The following MRC1 variants were observed in gnomAD, a reference collection of about 807,000 sequenced individuals.
MRC1 encodes the protein macrophage mannose receptor 1.
MRC1 carries 62 observed loss-of-function variants against 102.9 expected under a neutral mutation model. That is an observed-to-expected ratio of 0.60 (90% CI 0.49 to 0.74). The LOEUF (loss-of-function observed/expected upper bound fraction) is 0.74, where lower values mean the gene tolerates loss of function less well. MRC1 is among the 30% of genes least tolerant of loss of function. MRC1 has a pLI of 0.00. For synonymous variants in MRC1, 457 were observed against 298.4 expected, an observed-to-expected ratio of 1.53 and a Z score of -5.48; for missense variants, 1,237 against 862.8, an observed-to-expected ratio of 1.43 and a Z score of -5.43.
At chr10:17,886,872 AAGAAGT>A (rs1421463319) in intron 22 of MRC1, among the ~76,000 whole-genome samples, 22 of 152,294 alleles carry the variant, frequency 1.4e-4, no homozygotes, top group African/African-American at 5.3e-4. Flanking sequence ...TATCCAGAAA[AAGAAGT>A]AGGAGTAAGC....
At chr10:17,889,613 T>C (rs1025758358) in intron 22 of MRC1, among the ~76,000 whole-genome samples, 2 of 152,202 alleles carry the variant, frequency 1.3e-5, no homozygotes, top group African/African-American at 2.4e-5. Flanking sequence ...CTCTTGAGTT[T>C]GCAGTATATA....
intron 1 of MRC1, among the ~76,000 whole-genome samples, chr10:17,821,048 A>G (rs1036237575): frequency 0.085 from 12,972 of 152,180 alleles, 603 homozygotes; most frequent in South Asian, 0.12. Context: ...TAGGTATTGC[A>G]TGTTCTGTGA....
intron 5 of MRC1, 97 bp from the exon 6 acceptor site, chr10:17,845,192 T>A: frequency 1.3e-6 from 1 of 780,172 alleles, no homozygotes; most frequent in Non-Finnish European, 2.4e-6. Flanking sequence ...GGTGGTCCAT[T>A]GAATCCCCAG....
intron 9 of MRC1, among the ~76,000 whole-genome samples, chr10:17,860,610 G>T (rs1554841162): frequency 6.6e-6 from 1 of 152,102 alleles, no homozygotes; most frequent in East Asian, 1.9e-4. Context: ...GGAGAAGGAG[G>T]AACAATGCTG....
At chr10:17,816,631 G>C (rs1838317305) in intron 1 of MRC1, among the ~76,000 whole-genome samples, 1 of 152,162 alleles carries the variant, frequency 6.6e-6, no homozygotes, top group Admixed American at 6.5e-5. Context: ...AAGGCGTGGT[G>C]CTGGCGTTTG....
At chr10:17,894,394 C>CTTTTTTTTTTTCT in intron 23 of MRC1, 82 bp downstream of exon 23, 1 of 404,404 alleles carries the variant, frequency 2.5e-6, no homozygotes, top group Non-Finnish European at 4.2e-6. Context: ...TTCTTTCTTT[C>CTTTTTTTTTTTCT]TTTTTTTTTT....
chr10:17,897,111 A>G (rs943487607), intron 23 of MRC1, among the ~76,000 whole-genome samples: 6 of 152,348 alleles, frequency 3.9e-5, no homozygotes, highest in Non-Finnish European at 7.3e-5. Context: ...TTTACATGTC[A>G]TGAAATATTA....
chr10:17,877,355 A>G (rs1247871609), intron 17 of MRC1, among the ~76,000 whole-genome samples: 2 of 148,666 alleles, frequency 1.3e-5, no homozygotes, highest in African/African-American at 4.9e-5. Context: ...TAATACATGT[A>G]TAATATATTT....
intron 5 of MRC1, among the ~76,000 whole-genome samples, chr10:17,841,914 G>T (rs1037825944): frequency 6.6e-5 from 10 of 152,150 alleles, no homozygotes; most frequent in Admixed American, 1.3e-4. Flanking sequence ...AAGCCATTGA[G>T]TGGTTTTCGC....
intron 4 of MRC1, among the ~76,000 whole-genome samples, chr10:17,835,786 A>C (rs1236167342): frequency 2.0e-5 from 3 of 152,138 alleles, no homozygotes; most frequent in South Asian, 4.1e-4. Flanking sequence ...CTTATTCATC[A>C]CCTTGGAATT....
intron 1 of MRC1, among the ~76,000 whole-genome samples, chr10:17,822,487 G>A (rs1159767899): frequency 6.6e-6 from 1 of 152,202 alleles, no homozygotes; most frequent in Non-Finnish European, 1.5e-5. Flanking sequence ...TGGTTATGGT[G>A]GTACAAGCCT....
chr10:17,878,366 T>C (rs1833465691), intron 18 of MRC1, among the ~76,000 whole-genome samples: 1 of 152,200 alleles, frequency 6.6e-6, no homozygotes, highest in Non-Finnish European at 1.5e-5. Flanking sequence ...TATTGCCCTG[T>C]TCCCTGTGTT....
chr10:17,813,681 A>ATT (rs1320187042), intron 1 of MRC1, among the ~76,000 whole-genome samples: 2 of 113,822 alleles, frequency 1.8e-5, no homozygotes, highest in Admixed American at 9.1e-5. Context: ...ACACACACAC[A>ATT]TTATATATAT....
Position 17,829,238 on chromosome 10 carries a change from A to T in MRC1, c.637+1523A>T, listed in dbSNP as rs1838531422. Among the ~76,000 whole-genome samples the T allele has an allele frequency of 8.6e-5, 13 of 151,650 alleles. No individual in the cohort carries two copies. The South Asian group carries it at 2.7e-3, about 31-fold the overall frequency. On this transcript the variant is annotated intron_variant, in intron 3 of 29. Coordinates refer to ENST00000569591, the MANE Select transcript of MRC1 (RefSeq NM_002438.4). ...AATCCACAAGTAATCACACTATTTC[A>T]AGCATTATTGTAAAACAGAACAACT...
chr10:17,810,948 A>G (rs1838211778), intron 1 of MRC1, among the ~76,000 whole-genome samples: 1 of 152,094 alleles, frequency 6.6e-6, no homozygotes, highest in African/African-American at 2.4e-5. Context: ...ATGCACCACC[A>G]TGCCCAGCTG....
intron 13 of MRC1, 102 bp downstream of exon 13, chr10:17,870,475 G>A (rs1833338664): frequency 2.6e-6 from 2 of 775,188 alleles, no homozygotes; most frequent in African/African-American, 1.7e-5. Context: ...CAGGATGCTA[G>A]TTTGAGCACC....
intron 11 of MRC1, among the ~76,000 whole-genome samples, chr10:17,864,827 C>CAAAAAAAAAA (rs34931364): frequency 2.5e-4 from 20 of 80,538 alleles, no homozygotes; most frequent in African/African-American, 9.1e-4. Context: ...AAAACTCCAT[C>CAAAAAAAAAA]AAAAAAAAAA....
At chr10:17,839,797 G>A (rs996880672) in intron 4 of MRC1, among the ~76,000 whole-genome samples, 4 of 151,896 alleles carry the variant, frequency 2.6e-5, no homozygotes, top group Non-Finnish European at 5.9e-5. Context: ...GGTGGCTCAC[G>A]CCTGTAATCC....
At chr10:17,858,496 C>CT (rs1170041754) in intron 9 of MRC1, among the ~76,000 whole-genome samples, 97 of 151,438 alleles carry the variant, frequency 6.4e-4, no homozygotes, top group African/African-American at 1.8e-3. Context: ...TGGTGTGATT[C>CT]TTTTTTTTTG....
Sources: allele counts gnomAD v4.1 joint callset (sites outside exome capture counted in the v4.1 genomes callset), GRCh38; gene constraint gnomAD v4.1.1; transcripts MANE v1.5; gene names NCBI Gene and HGNC (gene_info 2026-07-23, HGNC 2026-07-21).